Variants in GCNA observed in about 807,000 individuals in gnomAD.
GCNA encodes germ cell nuclear acidic peptidase, also known as germ cell nuclear acidic protein.
Under a neutral mutation model 38.8 loss-of-function variants are expected in GCNA, and 3 were observed. The observed-to-expected ratio is 0.08, with a 90% CI of 0.04 to 0.20. The LOEUF (loss-of-function observed/expected upper bound fraction) is 0.20. GCNA is among the 10% of genes least tolerant of loss of function. The pLI is 1.00. For missense variants in GCNA, 446 were observed against 578.6 expected (o/e 0.77, Z 2.35); for synonymous variants, 195 against 240.2 (o/e 0.81, Z 1.74).
Position 71,612,471 on chromosome X carries a change from A to T in GCNA, c.1867A>T (p.Ile623Leu), listed in dbSNP as rs757222088. The T allele has an allele frequency of 5.0e-6, 6 of 1,207,256 alleles. No homozygotes were observed. The East Asian group carries it at 1.8e-4, about 36-fold the overall frequency. The change falls in exon 12 of 13, where the codon ATA (isoleucine) becomes TTA (leucine). Residue 623 changes from isoleucine (I) to leucine (L), a missense_variant. Ile to Leu is a conservative substitution (Grantham distance 5). Transcript: ENST00000373696. ...WKYYARKSNR[I>L]HPELPRVTRC... ...GTATTATGCCAGGAAATCCAACAGGATACACCCGGAGCTGCCCAGGGTCAC... is the reference window on the plus strand; with the variant it reads ...GTATTATGCCAGGAAATCCAACAGGTTACACCCGGAGCTGCCCAGGGTCAC...
At chrX:71,593,885 G>A (rs1404402717) in intron 4 of GCNA, among the ~76,000 whole-genome samples, 1 of 107,269 alleles carries the variant, frequency 9.3e-6, no homozygotes, top group African/African-American at 3.4e-5. Flanking sequence ...GGGTCTTGCT[G>A]TGTCGCCCAC....
At chrX:71,599,007 A>AT (rs1445163309) in intron 7 of GCNA, among the ~76,000 whole-genome samples, 37 of 107,102 alleles carry the variant, frequency 3.5e-4, no homozygotes, top group African/African-American at 1.2e-3. Flanking sequence ...TGCCCAGCTA[A>AT]TTTTTTTTGT....
intron 11 of GCNA, among the ~76,000 whole-genome samples, chrX:71,611,137 C>T (rs750899968): frequency 8.9e-6 from 1 of 112,295 alleles, no homozygotes; most frequent in East Asian, 2.8e-4. Context: ...TTCAGAGTAG[C>T]TCACCATTCC....
At chrX:71,600,128 C>T (rs571023949) in intron 7 of GCNA, among the ~76,000 whole-genome samples, 4 of 111,580 alleles carry the variant, frequency 3.6e-5, no homozygotes, top group African/African-American at 1.3e-4. Flanking sequence ...GTCAGACACA[C>T]CGACCTTCAT....
rs187454245 is a variant in GCNA, at chrX:71,596,292, G to A, written c.221+1513G>A. The stretch of plus-strand genomic sequence containing the variant: ...CAAATAATGTATAAAGCTATTAATC[G>A]TTGATGATCAGTTTTGTTAATTGTA... On this transcript the variant is annotated intron_variant, in intron 6 of 12. Transcript: ENST00000373696. 1.2e-4 allele frequency among the ~76,000 whole-genome samples: 13 copies of A among 112,079 alleles called. No individual in the cohort carries two copies. In the South Asian group the frequency reaches 2.2e-3, roughly 19 times the overall value.
At chrX:71,585,001 CAT>C (rs1299044552) in intron 2 of GCNA, among the ~76,000 whole-genome samples, 5 of 110,807 alleles carry the variant, frequency 4.5e-5, no homozygotes, top group South Asian at 3.9e-4. Context: ...TCTCCTGAAT[CAT>C]GTGTGTGATC....
At chrX:71,597,808 G>T in intron 6 of GCNA, 142 bp from the exon 7 acceptor site, 2 of 448,436 alleles carry the variant, frequency 4.5e-6, no homozygotes, top group Non-Finnish European at 7.9e-6. Flanking sequence ...GGATTGAGTA[G>T]TTCCAAAGGA....
chrX:71,589,482 T>C (rs12843088), intron 2 of GCNA, among the ~76,000 whole-genome samples: 4 of 73,440 alleles, frequency 5.4e-5, no homozygotes, highest in African/African-American at 2.0e-4. Flanking sequence ...TTTTTTTTTT[T>C]TGAGACAGAG....
chrX:71,578,747 G>A (rs1216705311), intron 1 of GCNA, among the ~76,000 whole-genome samples: 2 of 109,029 alleles, frequency 1.8e-5, no homozygotes, highest in Non-Finnish European at 3.8e-5. Context: ...GAAACATATG[G>A]TGGCGCCAGT....
rs191186783 is a variant in GCNA at position 71,588,783 on chromosome X, C to T, written c.60-3339C>T. The stretch of plus-strand genomic sequence containing the variant: ...TGGAGGTTGCAGTGAACCAAGATCG[C>T]GCCACTGCACTGCAACCTGGGTGAC... On this transcript the variant is annotated intron_variant, in intron 2 of 12. Transcript: ENST00000373696. Among the ~76,000 whole-genome samples, 806 of 111,261 alleles carry T rather than the reference C, an allele frequency of 7.2e-3. 7 individuals are homozygous for T. Among genetic ancestry groups the T allele is most frequent in the African/African-American group, 0.025 (769 of 30,606 alleles).
chrX:71,593,047 C>T (rs1365532767), intron 4 of GCNA, among the ~76,000 whole-genome samples: 1 of 111,381 alleles, frequency 9.0e-6, no homozygotes, highest in Admixed American at 9.6e-5. Context: ...GCACACGCTA[C>T]CATGCCTGGC....
At chrX:71,591,215 C>T (rs773704408) in intron 2 of GCNA, among the ~76,000 whole-genome samples, 8 of 111,208 alleles carry the variant, frequency 7.2e-5, no homozygotes, top group Non-Finnish European at 1.1e-4. Context: ...GATGTCCAGC[C>T]GGCTGCTGTC....
chrX:71,608,970 C>T lies in GCNA; in HGVS notation c.1467-3C>T. The T allele has an allele frequency of 8.3e-7, 1 of 1,208,057 alleles. No individual in the cohort carries two copies. Among genetic ancestry groups the T allele is most frequent in the Non-Finnish European group, 1.1e-6 (1 of 893,669 alleles). ...TAAACCTCAGTTGAATTTATCTTTGCAGGACTCCTAAATGCAAAGTCCCTG... is the reference window on the plus strand; with the variant it reads ...TAAACCTCAGTTGAATTTATCTTTGTAGGACTCCTAAATGCAAAGTCCCTG... On this transcript the variant is annotated splice_region_variant and splice_polypyrimidine_tract_variant and intron_variant, in intron 9 of 12. Transcript: ENST00000373696.
chrX:71,612,322 A>G (rs764514139), intron 11 of GCNA, 33 bp from the exon 12 acceptor site: 10 of 474,998 alleles, frequency 2.1e-5, no homozygotes, highest in Non-Finnish European at 3.2e-5. Context: ...GATTGGTTTT[A>G]GTGCTCACAT....
intron 11 of GCNA, 70 bp from the exon 12 acceptor site, chrX:71,612,283 GAA>G (rs756270122): frequency 0.023 from 6,495 of 282,784 alleles, no homozygotes; most frequent in East Asian, 0.031. Flanking sequence ...CTCAAAAAAG[GAA>G]AAAAAAAAAA....
intron 10 of GCNA, 30 bp downstream of exon 10, chrX:71,609,147 C>T: frequency 8.6e-7 from 1 of 1,167,095 alleles, no homozygotes; most frequent in Non-Finnish European, 1.2e-6. Context: ...ACTGATTGAG[C>T]ACCTGCTATA....
intron 2 of GCNA, among the ~76,000 whole-genome samples, chrX:71,586,264 G>A (rs2040585075): frequency 9.1e-6 from 1 of 110,264 alleles, no homozygotes; most frequent in Non-Finnish European, 1.9e-5. Context: ...GTAATATATT[G>A]TAGTTCATAA....
At chrX:71,588,769 G>C (rs1001307009) in intron 2 of GCNA, among the ~76,000 whole-genome samples, 4 of 111,788 alleles carry the variant, frequency 3.6e-5, no homozygotes, top group African/African-American at 6.5e-5. Context: ...GGAGGTTGCA[G>C]TGAACCAAGA....
At chrX:71,607,394 G>A (rs777900879) in intron 9 of GCNA, among the ~76,000 whole-genome samples, 1 of 112,011 alleles carries the variant, frequency 8.9e-6, no homozygotes, top group Non-Finnish European at 1.9e-5. Flanking sequence ...GTTAATAAGT[G>A]TTCTGGCAAA....
Sources: allele counts gnomAD v4.1 joint callset (sites outside exome capture counted in the v4.1 genomes callset), GRCh38; gene constraint gnomAD v4.1.1; transcripts MANE v1.5; gene names NCBI Gene and HGNC (gene_info 2026-07-23, HGNC 2026-07-21).